Variants in CR1L observed in about 807,000 individuals in gnomAD.
CR1L encodes the protein complement component receptor 1-like protein.
In CR1L, 59 loss-of-function variants were observed where a neutral mutation model predicts 62.3. The ratio of observed to expected loss-of-function variants is 0.95; its 90% CI spans 0.77 to 1.18. The LOEUF (loss-of-function observed/expected upper bound fraction) is 1.18. CR1L is among the 50% of genes most tolerant of loss of function. The pLI is 0.00. For synonymous variants in CR1L, 279 were observed against 248.7 expected (o/e 1.12, Z -1.15); for missense variants, 700 against 702.8 (o/e 1.00, Z 0.04).
At chr1:207,712,721 T>C (rs1490406522) in intron 10 of CR1L, among the ~76,000 whole-genome samples, 1 of 152,206 alleles carries the variant, frequency 6.6e-6, no homozygotes, top group African/African-American at 2.4e-5. Flanking sequence ...TCTTTCCCCC[T>C]CACATGGAAG....
At chr1:207,662,066 G>A (rs1006754407) in intron 1 of CR1L, among the ~76,000 whole-genome samples, 16 of 152,228 alleles carry the variant, frequency 1.1e-4, no homozygotes, top group Non-Finnish European at 2.1e-4. Flanking sequence ...TTTCTCTCTG[G>A]CTGCCCTTAA....
chr1:207,680,740 T>C (rs1322072062), intron 3 of CR1L, among the ~76,000 whole-genome samples: 8 of 152,190 alleles, frequency 5.3e-5, no homozygotes, highest in African/African-American at 1.7e-4. Flanking sequence ...CTTCTGCCTT[T>C]TTATCCTGTG....
At chr1:207,681,208 C>T (rs1181778333) in intron 3 of CR1L, among the ~76,000 whole-genome samples, 7 of 152,176 alleles carry the variant, frequency 4.6e-5, no homozygotes, top group African/African-American at 1.2e-4. Flanking sequence ...TGTCCCTCTT[C>T]GGGCCCTGGG....
At chr1:207,670,305 G>C (rs754972311) in intron 1 of CR1L, among the ~76,000 whole-genome samples, 1 of 151,192 alleles carries the variant, frequency 6.6e-6, no homozygotes, top group Non-Finnish European at 1.5e-5. Flanking sequence ...GGAAGCCCCA[G>C]AACATGCAAT....
intron 1 of CR1L, among the ~76,000 whole-genome samples, chr1:207,658,131 T>C (rs1405879101): frequency 6.6e-6 from 1 of 152,182 alleles, no homozygotes; most frequent in Admixed American, 6.5e-5. Context: ...GCTAAAGCAT[T>C]GCTTACAGGG....
intron 9 of CR1L, among the ~76,000 whole-genome samples, chr1:207,704,891 C>A (rs916384288): frequency 1.3e-5 from 2 of 152,108 alleles, no homozygotes; most frequent in African/African-American, 4.8e-5. Flanking sequence ...TGGAACTGAA[C>A]CTGCAATATC....
At chr1:207,710,318 G>A in intron 10 of CR1L, 1 of 1,005,870 alleles carries the variant, frequency 9.9e-7, no homozygotes, top group Non-Finnish European at 1.5e-6. Flanking sequence ...ACTCCAGCCT[G>A]GGCGACAGAG....
intron 3 of CR1L, among the ~76,000 whole-genome samples, chr1:207,679,153 ATTTTTTTT>A (rs34703217): frequency 5.5e-5 from 5 of 90,302 alleles, no homozygotes; most frequent in Middle Eastern, 7.4e-3. Context: ...GCCCACCACC[ATTTTTTTT>A]TTTTTTTTTT....
chr1:207,663,131 C>A lies in CR1L; in HGVS notation c.98-14258C>A, dbSNP rs569374497. 5.9e-5 allele frequency among the ~76,000 whole-genome samples: 9 copies of A among 152,344 alleles called. No homozygotes were observed. The East Asian group carries it at 1.5e-3, about 26-fold the overall frequency. The stretch of plus-strand genomic sequence containing the variant: ...GGAGGTAGTCTGCCCGTTCTCAGAT[C>A]TCAAGCTGCGTGCTGGGAGAACCAC... On this transcript the variant is annotated intron_variant, in intron 1 of 11. Transcript: ENST00000508064.
chr1:207,651,081 G>A (rs888909859), intron 1 of CR1L, among the ~76,000 whole-genome samples: 3 of 152,098 alleles, frequency 2.0e-5, no homozygotes, highest in East Asian at 1.9e-4. Context: ...CACTGCACCC[G>A]GCCCAGTGTA....
At chr1:207,670,499 C>A (rs1663592736) in intron 1 of CR1L, among the ~76,000 whole-genome samples, 1 of 150,876 alleles carries the variant, frequency 6.6e-6, no homozygotes, top group Non-Finnish European at 1.5e-5. Flanking sequence ...GTTTTGGGCT[C>A]CCCAGAAGTC....
chr1:207,708,162 C>T lies in CR1L; in HGVS notation c.1329-16C>T, dbSNP rs780032330. 2 of 1,610,402 alleles carry T rather than the reference C, an allele frequency of 1.2e-6. No homozygotes were observed. The highest frequency in any genetic ancestry group is 1.1e-5 in the South Asian group (1 of 90,956). ...AGGTATGTACAGCACAATTATTTTCCATTTTTTGCCTTTAGGCACCGACTC... is the reference window on the plus strand; with the variant it reads ...AGGTATGTACAGCACAATTATTTTCTATTTTTTGCCTTTAGGCACCGACTC... On this transcript the variant is annotated splice_polypyrimidine_tract_variant and intron_variant, in intron 9 of 11. Transcript: ENST00000508064.
chr1:207,666,387 T>A (rs1274989477), intron 1 of CR1L, among the ~76,000 whole-genome samples: 4 of 152,228 alleles, frequency 2.6e-5, no homozygotes, highest in African/African-American at 9.6e-5. Context: ...GGTGTATACA[T>A]GATACATAAA....
At chr1:207,652,873 A>C (rs1558009845) in intron 1 of CR1L, 2 of 372,994 alleles carry the variant, frequency 5.4e-6, no homozygotes, top group Non-Finnish European at 9.7e-6. Context: ...GCATTTTTGC[A>C]GACTTTGAGA....
intron 1 of CR1L, among the ~76,000 whole-genome samples, chr1:207,673,349 T>A (rs1663642769): frequency 6.6e-6 from 1 of 152,254 alleles, no homozygotes; most frequent in African/African-American, 2.4e-5. Flanking sequence ...TTTATTACTT[T>A]ATATTTTTGA....
rs1664340546 is a variant in CR1L at position 207,710,612 on chromosome 1, C to T, written c.1414+2349C>T. 1.9e-6 allele frequency: 3 copies of T among 1,609,910 alleles called. No homozygotes were observed. The Admixed American group carries it at 5.0e-5, about 27-fold the overall frequency. On this transcript the variant is annotated intron_variant, in intron 10 of 11. Coordinates refer to ENST00000508064, the MANE Select transcript of CR1L (RefSeq NM_175710.2). Reference sequence around the variant, plus strand: ...GTGCATTATACCTAACAAATGCACACCTCCAAATGTGGAAAATGGAATATT... The same window carrying T: ...GTGCATTATACCTAACAAATGCACATCTCCAAATGTGGAAAATGGAATATT...
chr1:207,703,857 G>C (rs532187403), intron 9 of CR1L, among the ~76,000 whole-genome samples: 1 of 152,234 alleles, frequency 6.6e-6, no homozygotes, highest in South Asian at 2.1e-4. Context: ...AGGAGGCTGA[G>C]GCAGGAGAAT....
chr1:207,715,359 T>C (rs2796255), intron 10 of CR1L: 428,665 of 1,589,942 alleles, frequency 0.27, 62,091 homozygotes, highest in Admixed American at 0.31. Context: ...TTGGCTGGAA[T>C]GAAAGCCCTT....
At chr1:207,665,429 C>T (rs1199692469) in intron 1 of CR1L, among the ~76,000 whole-genome samples, 6 of 151,068 alleles carry the variant, frequency 4.0e-5, no homozygotes, top group African/African-American at 1.5e-4. Flanking sequence ...TGGAGCCTTG[C>T]TCTGTCACCC....
Sources: gnomAD v4.1 joint callset for allele counts (sites outside exome capture counted in the v4.1 genomes callset) on GRCh38, gnomAD v4.1.1 for gene constraint, MANE v1.5 for transcripts, NCBI Gene and HGNC (gene_info 2026-07-23, HGNC 2026-07-21) for gene names.